SH2D4A: variants seen among roughly 807,000 people sequenced by gnomAD.
The protein encoded by SH2D4A is SH2 domain containing 4A.
In SH2D4A, 70 loss-of-function variants were observed where a neutral mutation model predicts 64.7. That is an observed-to-expected ratio of 1.08 (90% CI 0.89 to 1.32). The LOEUF is 1.32. Among genes scored for constraint, SH2D4A ranks in the 40% most tolerant of loss-of-function variants. SH2D4A has a pLI of 0.00. For missense variants in SH2D4A, 706 were observed against 540.1 expected, an observed-to-expected ratio of 1.31 and a Z score of -3.04; for synonymous variants, 268 against 200.7, an observed-to-expected ratio of 1.34 and a Z score of -2.83.
intron 8 of SH2D4A, among the ~76,000 whole-genome samples, chr8:19,379,812 C>A (rs985753580): frequency 5.9e-5 from 9 of 152,172 alleles, no homozygotes; most frequent in African/African-American, 1.9e-4. Flanking sequence ...TTAGAGCTCA[C>A]TGCAGTCTCA....
At chr8:19,354,326 T>C (rs1249786317) in intron 4 of SH2D4A, among the ~76,000 whole-genome samples, 1 of 152,190 alleles carries the variant, frequency 6.6e-6, no homozygotes, top group Non-Finnish European at 1.5e-5. Flanking sequence ...GCTAAAATTC[T>C]ACTCAAGAAC....
chr8:19,376,652 T>A (rs572623711), intron 8 of SH2D4A, among the ~76,000 whole-genome samples: 43 of 151,914 alleles, frequency 2.8e-4, no homozygotes, highest in African/African-American at 9.6e-4. Context: ...ATAAAACAAA[T>A]CTCGTCCAAA....
chr8:19,394,657 G>T lies in SH2D4A; in HGVS notation c.*15G>T, dbSNP rs546026183. The T allele has an allele frequency of 6.3e-7, 1 of 1,592,818 alleles. No individual in the cohort carries two copies. The highest frequency in any genetic ancestry group is 1.3e-5 in the African/African-American group (1 of 74,542). ...TGTTTGAGTGACAGCCTCCATCAGG[G>T]TCATCCTACAGCCTCCAAGCGGGCT... is the stretch of plus-strand genomic sequence containing the variant. On this transcript the variant is annotated 3_prime_UTR_variant, in exon 10 of 10. Coordinates refer to ENST00000265807, the MANE Select transcript of SH2D4A (RefSeq NM_022071.4).
chr8:19,392,501 C>G (rs975108532), intron 8 of SH2D4A, among the ~76,000 whole-genome samples: 4 of 152,098 alleles, frequency 2.6e-5, no homozygotes, highest in African/African-American at 9.7e-5. Flanking sequence ...AAAGATGTCT[C>G]TCGGACACCT....
At chr8:19,386,672 G>A (rs1563213698) in intron 8 of SH2D4A, among the ~76,000 whole-genome samples, 1 of 152,214 alleles carries the variant, frequency 6.6e-6, no homozygotes. Flanking sequence ...CCTAAGAAGA[G>A]AGAGTCTGCT....
rs60866924 is a variant in SH2D4A, at chr8:19,325,160, A to G, written c.181+5432A>G. Among the ~76,000 whole-genome samples the G allele has an allele frequency of 7.1e-3, 1,079 of 152,120 alleles. 11 individuals carry two copies. The highest frequency in any genetic ancestry group is 0.025 in the African/African-American group (1,022 of 41,478). ...CTCTGTTCCCAGTCACCAAAACCAGAACTCCAGGAGCCACGCTGTTTCCTC... is the reference window on the plus strand; with the variant it reads ...CTCTGTTCCCAGTCACCAAAACCAGGACTCCAGGAGCCACGCTGTTTCCTC... On this transcript the variant is annotated intron_variant, in intron 2 of 9. Coordinates refer to ENST00000265807, the MANE Select transcript of SH2D4A (RefSeq NM_022071.4).
At chr8:19,319,254 T>G in intron 1 of SH2D4A, 90 bp from the exon 2 acceptor site, 1 of 994,848 alleles carries the variant, frequency 1.0e-6, no homozygotes, top group Non-Finnish European at 1.2e-6. Flanking sequence ...TGATACTGTG[T>G]TTCCTCCTAG....
At chr8:19,339,568 T>G (rs1345676464) in intron 4 of SH2D4A, among the ~76,000 whole-genome samples, 2 of 146,140 alleles carry the variant, frequency 1.4e-5, no homozygotes, top group African/African-American at 5.0e-5. Flanking sequence ...GGTGCAATCA[T>G]AGCTCACTGC....
At chr8:19,325,693 C>T (rs1181036392) in intron 2 of SH2D4A, among the ~76,000 whole-genome samples, 3 of 152,188 alleles carry the variant, frequency 2.0e-5, no homozygotes, top group Non-Finnish European at 4.4e-5. Flanking sequence ...CTTCCCTAGG[C>T]TGTAGTGCCA....
chr8:19,341,844 C>CAAA (rs35856719), intron 4 of SH2D4A, among the ~76,000 whole-genome samples: 3,627 of 83,248 alleles, frequency 0.044, 108 homozygotes, highest in South Asian at 0.11. Flanking sequence ...CTTGTCTTAA[C>CAAA]AAAAAAAAAA....
intron 4 of SH2D4A, among the ~76,000 whole-genome samples, chr8:19,353,788 C>G (rs1254911421): frequency 1.3e-5 from 2 of 150,650 alleles, no homozygotes; most frequent in African/African-American, 2.4e-5. Flanking sequence ...CTAAATGAGC[C>G]TGCTTTCTGC....
chr8:19,382,116 T>C (rs1374949996), intron 8 of SH2D4A, among the ~76,000 whole-genome samples: 1 of 152,204 alleles, frequency 6.6e-6, no homozygotes, highest in African/African-American at 2.4e-5. Context: ...TATTTGGCTT[T>C]GAGTTACTGT....
At chr8:19,358,645 G>A (rs2052831366) in intron 5 of SH2D4A, among the ~76,000 whole-genome samples, 1 of 152,180 alleles carries the variant, frequency 6.6e-6, no homozygotes, top group Admixed American at 6.5e-5. Context: ...TCATTTGAGA[G>A]AATGAATGAG....
intron 4 of SH2D4A, among the ~76,000 whole-genome samples, chr8:19,345,327 C>G (rs1197713411): frequency 6.6e-6 from 1 of 152,204 alleles, no homozygotes; most frequent in Non-Finnish European, 1.5e-5. Context: ...CACTCTAGCT[C>G]TACACATGCA....
At chr8:19,379,050 C>T (rs2053245329) in intron 8 of SH2D4A, among the ~76,000 whole-genome samples, 2 of 149,160 alleles carry the variant, frequency 1.3e-5, no homozygotes, top group East Asian at 2.0e-4. Flanking sequence ...CCATGCACTC[C>T]AGCTTGGAAG....
intron 4 of SH2D4A, among the ~76,000 whole-genome samples, chr8:19,340,385 CAG>C (rs756679870): frequency 2.0e-5 from 3 of 152,060 alleles, no homozygotes; most frequent in Non-Finnish European, 4.4e-5. Flanking sequence ...ATTCTTGCAT[CAG>C]AGAGGGTGGA....
chr8:19,343,414 C>T (rs543811548), intron 4 of SH2D4A, among the ~76,000 whole-genome samples: 3 of 152,078 alleles, frequency 2.0e-5, no homozygotes, highest in African/African-American at 7.2e-5. Flanking sequence ...GGCTTGGCGA[C>T]AGAGAAAGAC....
At chr8:19,366,003 C>A (rs555512389) in intron 7 of SH2D4A, among the ~76,000 whole-genome samples, 1 of 152,048 alleles carries the variant, frequency 6.6e-6, no homozygotes, top group Non-Finnish European at 1.5e-5. Context: ...TATACACATA[C>A]ATGCATATGT....
At chr8:19,336,132 G>C (rs528443103) in intron 4 of SH2D4A, among the ~76,000 whole-genome samples, 2 of 152,302 alleles carry the variant, frequency 1.3e-5, no homozygotes, top group Admixed American at 1.3e-4. Context: ...ACATGAACTA[G>C]AGACATTTGT....
Sources: allele counts gnomAD v4.1 joint callset (sites outside exome capture counted in the v4.1 genomes callset), GRCh38; gene constraint gnomAD v4.1.1; transcripts MANE v1.5; gene names NCBI Gene and HGNC (gene_info 2026-07-23, HGNC 2026-07-21).